Variants in EHMT1 observed in about 807,000 individuals in gnomAD.
EHMT1 encodes the protein histone-lysine N-methyltransferase EHMT1.
Under a neutral mutation model 147.2 loss-of-function variants are expected in EHMT1, and 15 were observed. That is an observed-to-expected ratio of 0.10 (90% CI 0.07 to 0.16). The LOEUF (loss-of-function observed/expected upper bound fraction) is 0.16, where lower values mean the gene tolerates loss of function less well. EHMT1 is among the 10% of genes least tolerant of loss of function. The probability of loss-of-function intolerance (pLI) is 1.00; values close to 1 mark genes in which losing one functional copy is unlikely to be tolerated. For synonymous variants in EHMT1, 795 were observed against 709.6 expected, an observed-to-expected ratio of 1.12 and a Z score of -1.91; for missense variants, 1,587 against 1,772.4, an observed-to-expected ratio of 0.90 and a Z score of 1.88.
chr9:137,831,779 T>A (rs575976840), intron 25 of EHMT1, among the ~76,000 whole-genome samples: 1 of 152,262 alleles, frequency 6.6e-6, no homozygotes, highest in Non-Finnish European at 1.5e-5. Context: ...CCTTGAGTTG[T>A]TCCTGTTAAC....
intron 3 of EHMT1, among the ~76,000 whole-genome samples, chr9:137,727,730 A>G (rs1471264909): frequency 6.6e-6 from 1 of 152,252 alleles, no homozygotes; most frequent in African/African-American, 2.4e-5. Flanking sequence ...GCATTCTGCA[A>G]TGAAGGAGGT....
intron 1 of EHMT1, chr9:137,641,370 A>G: frequency 2.0e-6 from 1 of 512,250 alleles, no homozygotes; most frequent in East Asian, 5.1e-5. Context: ...ATTTTCGTCA[A>G]AATAAAAACC....
intron 14 of EHMT1, 31 bp downstream of exon 14, chr9:137,779,748 C>G: frequency 6.2e-7 from 1 of 1,610,240 alleles, no homozygotes; most frequent in Non-Finnish European, 8.5e-7. Flanking sequence ...CGGGCACATG[C>G]AGCCGGCCCT....
chr9:137,829,043 G>T (rs2133046952), intron 25 of EHMT1, among the ~76,000 whole-genome samples: 1 of 152,198 alleles, frequency 6.6e-6, no homozygotes, highest in Non-Finnish European at 1.5e-5. Flanking sequence ...AGCCCGGGTG[G>T]GGCATCCAGG....
At chr9:137,687,557 A>G (rs1942568636) in intron 1 of EHMT1, among the ~76,000 whole-genome samples, 2 of 152,180 alleles carry the variant, frequency 1.3e-5, no homozygotes, top group South Asian at 4.1e-4. Flanking sequence ...CCCCAAAACC[A>G]AGGTGTTAGT....
intron 7 of EHMT1, among the ~76,000 whole-genome samples, chr9:137,752,709 G>C (rs1008797168): frequency 6.6e-6 from 1 of 152,146 alleles, no homozygotes; most frequent in Non-Finnish European, 1.5e-5. Context: ...GGTGGGAGCC[G>C]GCAGCAAGGA....
intron 7 of EHMT1, among the ~76,000 whole-genome samples, chr9:137,753,260 A>G (rs1338805429): frequency 2.0e-5 from 3 of 151,996 alleles, no homozygotes; most frequent in Non-Finnish European, 4.4e-5. Flanking sequence ...TGGGAGGAGG[A>G]CACAGGGGCC....
rs989669367 is a variant in EHMT1, at chr9:137,828,420, A to G, written c.3541-5929A>G. On this transcript the variant is annotated intron_variant, in intron 25 of 26. Coordinates refer to ENST00000460843, the MANE Select transcript of EHMT1 (RefSeq NM_024757.5). This position sits in a 1 kb window ranked among gnomAD's most constrained non-coding sequence, Gnocchi z 5.3. The stretch of plus-strand genomic sequence containing the variant: ...GGGTCATCAGGCATGACCATTGCCA[A>G]GGCCACATCCTGACTCTAGGCCCCT... Among the ~76,000 whole-genome samples the G allele has an allele frequency of 1.4e-4, 22 of 151,804 alleles. No individual in the cohort carries two copies. The highest frequency in any genetic ancestry group is 5.3e-4 in the African/African-American group (22 of 41,292).
chr9:137,669,323 C>G (rs1564562281), intron 1 of EHMT1, among the ~76,000 whole-genome samples: 3 of 142,596 alleles, frequency 2.1e-5, no homozygotes, highest in Non-Finnish European at 3.0e-5. Context: ...GGAAAGACGC[C>G]CCCACAGCAC....
At chr9:137,771,979 C>T (rs1244192656) in intron 10 of EHMT1, among the ~76,000 whole-genome samples, 2 of 152,070 alleles carry the variant, frequency 1.3e-5, no homozygotes, top group Non-Finnish European at 2.9e-5. Flanking sequence ...AAAGGCTAGC[C>T]CAGGACAGCT....
At chr9:137,768,347 GTT>G (rs768762232) in intron 10 of EHMT1, among the ~76,000 whole-genome samples, 2 of 92,512 alleles carry the variant, frequency 2.2e-5, no homozygotes, top group Non-Finnish European at 4.2e-5. Flanking sequence ...TTTTCTGTGT[GTT>G]TTTTTTTTTT....
rs919949776 is a variant in EHMT1, at chr9:137,775,657, CAA to C, written c.1791+406_1791+407del. ...TACTGAGGACGTTCATCCCCCATGA[CAA>C]GGGTGTACTGAGGACATTCACCCCC... is the stretch of plus-strand genomic sequence containing the variant. On this transcript the variant is annotated intron_variant, in intron 11 of 26. Transcript: ENST00000460843. The surrounding 1 kb of genome is among the most constrained non-coding windows in gnomAD (Gnocchi z 6.1). 9.2e-5 allele frequency among the ~76,000 whole-genome samples: 14 copies of C among 151,898 alleles called. No homozygotes were observed. The highest frequency in any genetic ancestry group is 3.1e-4 in the African/African-American group (13 of 41,372).
At chr9:137,701,291 TG>T (rs1164849454) in intron 1 of EHMT1, among the ~76,000 whole-genome samples, 3 of 135,200 alleles carry the variant, frequency 2.2e-5, no homozygotes, top group Admixed American at 7.1e-5. Flanking sequence ...TTTTTTCTCT[TG>T]TTTTTTTTTG....
At position 137,815,833 on chromosome 9, in the gene EHMT1, A is replaced by G. The variant is rs538838477; in HGVS notation, c.3259-114A>G. 421 of 916,372 alleles carry G rather than the reference A, an allele frequency of 4.6e-4. 1 individual carries two copies. The African/African-American group carries it at 6.3e-3, about 14-fold the overall frequency. 56.8% of individuals were successfully genotyped at this position (916,372 alleles called of 1,614,324 possible). On this transcript the variant is annotated intron_variant, in intron 22 of 26. Coordinates refer to ENST00000460843, the MANE Select transcript of EHMT1 (RefSeq NM_024757.5). ...GGGTGTTCAAGTTTGGCCAGAAACC[A>G]TCGTTTTTATGTCCGTTTAAGCCAC...
At chr9:137,634,610 C>T (rs187501332) in intron 1 of EHMT1, among the ~76,000 whole-genome samples, 1 of 149,628 alleles carries the variant, frequency 6.7e-6, no homozygotes, top group Non-Finnish European at 1.5e-5. Flanking sequence ...CATTTTCTTT[C>T]ATTTCTTTTC....
chr9:137,640,536 C>G (rs1347577376), intron 1 of EHMT1, among the ~76,000 whole-genome samples: 6 of 152,218 alleles, frequency 3.9e-5, no homozygotes, highest in African/African-American at 1.2e-4. Flanking sequence ...CTTGGTCTCC[C>G]AAAGTGCTAG....
chr9:137,749,699 T>A (rs184817734), intron 6 of EHMT1, among the ~76,000 whole-genome samples: 1 of 152,364 alleles, frequency 6.6e-6, no homozygotes, highest in East Asian at 1.9e-4. Flanking sequence ...TGCACAGTGA[T>A]CAAGCAGCCT....
intron 10 of EHMT1, among the ~76,000 whole-genome samples, chr9:137,773,912 C>A (rs1269878906): frequency 2.6e-5 from 4 of 152,192 alleles, no homozygotes; most frequent in Non-Finnish European, 4.4e-5. Context: ...AGAGAACTTT[C>A]CGTAGCAAAC....
chr9:137,706,568 C>T lies in EHMT1; in HGVS notation c.22-4399C>T, dbSNP rs150452036. On this transcript the variant is annotated intron_variant, in intron 1 of 26. Coordinates refer to ENST00000460843, the MANE Select transcript of EHMT1 (RefSeq NM_024757.5). ...GTGGCGTGATCTCGGCTCACTGCAACCTCCGCCTCCTGGGTTAAAGATATT... is the reference window on the plus strand; with the variant it reads ...GTGGCGTGATCTCGGCTCACTGCAATCTCCGCCTCCTGGGTTAAAGATATT... 2.1e-3 allele frequency among the ~76,000 whole-genome samples: 315 copies of T among 152,304 alleles called. 2 individuals are homozygous for T. Among genetic ancestry groups the T allele is most frequent in the African/African-American group, 7.0e-3 (292 of 41,570 alleles).
Sources: gnomAD v4.1 joint callset for allele counts (sites outside exome capture counted in the v4.1 genomes callset) on GRCh38, gnomAD v4.1.1 for gene constraint, Gnocchi (gnomAD v3.1) non-coding constraint, MANE v1.5 for transcripts, NCBI Gene and HGNC (gene_info 2026-07-23, HGNC 2026-07-21) for gene names.